The following CCDC171 variants were observed in gnomAD, a reference collection of about 807,000 sequenced individuals.
The protein encoded by CCDC171 is coiled-coil domain-containing protein 171.
A neutral mutation model predicts 168.2 loss-of-function variants in CCDC171; 177 were observed. The ratio of observed to expected loss-of-function variants is 1.05; its 90% CI spans 0.93 to 1.19. The LOEUF (loss-of-function observed/expected upper bound fraction) is 1.19. Among genes scored for constraint, CCDC171 ranks in the 50% most tolerant of loss-of-function variants. The pLI is 0.00. For synonymous variants in CCDC171, 687 were observed against 540.8 expected (o/e 1.27, Z -3.75); for missense variants, 1,991 against 1,539.0 (o/e 1.29, Z -4.91).
At chr9:16,045,874 A>G (rs1833652249) in intron 1 of CCDC171, among the ~76,000 whole-genome samples, 1 of 152,210 alleles carries the variant, frequency 6.6e-6, no homozygotes, top group African/African-American at 2.4e-5. Context: ...AGAAAAGGTT[A>G]GATAAACCCA....
chr9:15,602,842 G>C (rs2131679556), intron 6 of CCDC171, among the ~76,000 whole-genome samples: 1 of 151,882 alleles, frequency 6.6e-6, no homozygotes, highest in South Asian at 2.1e-4. Context: ...ATTTTTAGTA[G>C]AGACGGAGTT....
intron 18 of CCDC171, among the ~76,000 whole-genome samples, chr9:15,774,237 C>T (rs60997329): frequency 0.034 from 3,294 of 98,084 alleles, 152 homozygotes; most frequent in African/African-American, 0.12. Flanking sequence ...CAGAGCAAGA[C>T]GCTGTCTTTA....
At position 15,704,369 on chromosome 9, in the gene CCDC171, A is replaced by G. The variant is rs569572863; in HGVS notation, c.1318+9032A>G. Among the ~76,000 whole-genome samples, 190 of 152,332 alleles carry G rather than the reference A, an allele frequency of 1.2e-3. 2 individuals are homozygous for G. Among genetic ancestry groups the G allele is most frequent in the African/African-American group, 4.5e-3 (186 of 41,578 alleles). ...GAGATCCCATCTTTAACAAATGAAT[A>G]AGTAAATAATTAATTCTGTTATCTT... On this transcript the variant is annotated intron_variant, in intron 11 of 25. Transcript: ENST00000380701.
At chr9:15,645,812 G>C (rs562699821) in intron 7 of CCDC171, among the ~76,000 whole-genome samples, 2 of 152,190 alleles carry the variant, frequency 1.3e-5, no homozygotes, top group East Asian at 1.9e-4. Context: ...AACCGAGTTG[G>C]AAAACACTCT....
intron 23 of CCDC171, among the ~76,000 whole-genome samples, chr9:15,852,051 T>C (rs1378098818): frequency 6.6e-6 from 1 of 151,886 alleles, no homozygotes; most frequent in East Asian, 1.9e-4. Flanking sequence ...AAATTTTGTG[T>C]AAAAATTTTT....
chr9:15,914,226 T>G (rs1824146892), intron 24 of CCDC171, among the ~76,000 whole-genome samples: 1 of 152,156 alleles, frequency 6.6e-6, no homozygotes, highest in Admixed American at 6.5e-5. Flanking sequence ...CGTTTAAGTC[T>G]GCTGAAGCTG....
chr9:15,715,932 T>A (rs1292604147), intron 11 of CCDC171, among the ~76,000 whole-genome samples: 1 of 152,202 alleles, frequency 6.6e-6, no homozygotes, highest in East Asian at 1.9e-4. Flanking sequence ...TCCTGTGGGC[T>A]ACTAATTCAA....
intron 24 of CCDC171, among the ~76,000 whole-genome samples, chr9:15,916,949 A>G (rs1189422097): frequency 1.3e-5 from 2 of 151,972 alleles, no homozygotes; most frequent in African/African-American, 2.4e-5. Flanking sequence ...ACAACAGGAT[A>G]AGTTCTCAAA....
At chr9:15,831,223 C>T (rs1238073137) in intron 21 of CCDC171, among the ~76,000 whole-genome samples, 4 of 151,962 alleles carry the variant, frequency 2.6e-5, no homozygotes, top group East Asian at 3.9e-4. Flanking sequence ...CCGGCTGCCT[C>T]GGCCTCCCAA....
chr9:16,030,627 A>G (rs1245247062), intron 6 of CCDC171, among the ~76,000 whole-genome samples: 3 of 152,222 alleles, frequency 2.0e-5, no homozygotes, highest in African/African-American at 7.2e-5. Context: ...TCTCACCAGG[A>G]GGTCCCATGC....
intron 25 of CCDC171, among the ~76,000 whole-genome samples, chr9:15,924,571 T>G (rs1255272590): frequency 1.3e-5 from 2 of 151,554 alleles, no homozygotes; most frequent in African/African-American, 4.8e-5. Flanking sequence ...TTTATCCTGC[T>G]TCCTACTACA....
At position 15,949,074 on chromosome 9, in the gene CCDC171, T is replaced by C. The variant is rs546368619; in HGVS notation, c.3754-22535T>C. Reference sequence around the variant, plus strand: ...AGTTTTCCCAGCACCATTTATTAAATAGGGAATCCTTTCCCCATTGCTTGT... The same window carrying C: ...AGTTTTCCCAGCACCATTTATTAAACAGGGAATCCTTTCCCCATTGCTTGT... On this transcript the variant is annotated intron_variant, in intron 25 of 25. Coordinates refer to ENST00000380701, the MANE Select transcript of CCDC171 (RefSeq NM_173550.4). Among the ~76,000 whole-genome samples the C allele has an allele frequency of 1.1e-4, 16 of 152,254 alleles. No homozygotes were observed. In the East Asian group the frequency reaches 3.1e-3, roughly 29 times the overall value.
chr9:16,000,792 G>A (rs1314655812), intron 3 of CCDC171, among the ~76,000 whole-genome samples: 4 of 151,716 alleles, frequency 2.6e-5, no homozygotes, highest in African/African-American at 9.7e-5. Flanking sequence ...CTCAACAAAT[G>A]TTATCTTCCC....
the CCDC171 span, among the ~76,000 whole-genome samples, chr9:16,073,090 T>G: frequency 2.0e-5 from 3 of 152,216 alleles, no homozygotes; most frequent in Non-Finnish European, 4.4e-5. Flanking sequence ...AAATCTCTAT[T>G]TTGCCTAAGG....
intron 7 of CCDC171, among the ~76,000 whole-genome samples, chr9:15,630,094 C>T (rs1224559665): frequency 1.1e-4 from 16 of 152,142 alleles, no homozygotes; most frequent in African/African-American, 7.2e-5. Context: ...TAAAGACCAT[C>T]GAGGCTAGGA....
intron 12 of CCDC171, among the ~76,000 whole-genome samples, 179 bp downstream of exon 12, chr9:15,722,054 CACTT>C (rs1331009082): frequency 2.6e-5 from 4 of 152,174 alleles, no homozygotes; most frequent in South Asian, 2.1e-4. Flanking sequence ...AGTCATGTCT[CACTT>C]ACGTTTTTGT....
chr9:15,693,925 G>GA (rs918573314), intron 10 of CCDC171, among the ~76,000 whole-genome samples: 50 of 151,626 alleles, frequency 3.3e-4, no homozygotes, highest in African/African-American at 1.2e-3. Flanking sequence ...TCTCACTCAA[G>GA]AAAAAAAATT....
At chr9:15,635,255 C>G (rs1233231527) in intron 7 of CCDC171, among the ~76,000 whole-genome samples, 1 of 152,190 alleles carries the variant, frequency 6.6e-6, no homozygotes, top group Non-Finnish European at 1.5e-5. Context: ...AGCCTTCAGT[C>G]TGTGGTCGAA....
intron 1 of CCDC171, among the ~76,000 whole-genome samples, chr9:15,561,868 G>C (rs1451357022): frequency 6.6e-6 from 1 of 152,044 alleles, no homozygotes; most frequent in Non-Finnish European, 1.5e-5. Flanking sequence ...CACAGGCAGA[G>C]CTGGTGTGGA....
Sources: gnomAD v4.1 joint callset for allele counts (sites outside exome capture counted in the v4.1 genomes callset) on GRCh38, gnomAD v4.1.1 for gene constraint, MANE v1.5 for transcripts, NCBI Gene and HGNC (gene_info 2026-07-23, HGNC 2026-07-21) for gene names.